Variants in NEDD4 observed in about 807,000 individuals in gnomAD.
The protein encoded by NEDD4 is NEDD4 E3 ubiquitin protein ligase, also known as E3 ubiquitin-protein ligase NEDD4.
A neutral mutation model predicts 144.9 loss-of-function variants in NEDD4; 99 were observed. The ratio of observed to expected loss-of-function variants is 0.68; its 90% CI spans 0.58 to 0.81. The LOEUF is 0.81. Among genes scored for constraint, NEDD4 ranks in the 30% least tolerant of loss-of-function variants. NEDD4 has a pLI of 0.00. For missense variants in NEDD4, 985 were observed against 1,065.9 expected, an observed-to-expected ratio of 0.92 and a Z score of 1.06; for synonymous variants, 318 against 350.6, an observed-to-expected ratio of 0.91 and a Z score of 1.04.
At chr15:55,833,627 C>G (rs1357774026) in intron 26 of NEDD4, among the ~76,000 whole-genome samples, 1 of 152,162 alleles carries the variant, frequency 6.6e-6, no homozygotes, top group African/African-American at 2.4e-5. Flanking sequence ...CACCATTGCA[C>G]TCCAGCCTGG....
intron 5 of NEDD4, chr15:55,915,532 T>A (rs779344599): frequency 6.2e-7 from 1 of 1,614,004 alleles, no homozygotes; most frequent in Non-Finnish European, 8.5e-7. Flanking sequence ...CCATTGATAT[T>A]TATTTGACAA....
chr15:55,841,652 G>A (rs1452348813), intron 19 of NEDD4, among the ~76,000 whole-genome samples: 12 of 151,966 alleles, frequency 7.9e-5, no homozygotes, highest in African/African-American at 2.2e-4. Context: ...GCGTGATCTC[G>A]GCTCCGCCTT....
intron 1 of NEDD4, among the ~76,000 whole-genome samples, chr15:55,975,088 T>C: frequency 6.6e-6 from 1 of 151,810 alleles, no homozygotes. Context: ...AGACAGGGTT[T>C]CACCACGTTA....
rs565636048 is a variant in NEDD4, at chr15:55,982,198, T to C, written c.45+11313A>G. ...GGAGATTAAAATGGTACAATCGTGT[T>C]GGGAGACTGTTAGGCAGTTTCTTAT... is the stretch of plus-strand genomic sequence containing the variant. On this transcript the variant is annotated intron_variant, in intron 1 of 28. Coordinates refer to ENST00000435532, the MANE Select transcript of NEDD4 (RefSeq NM_006154.4). Among the ~76,000 whole-genome samples the C allele has an allele frequency of 3.9e-5, 6 of 152,336 alleles. No individual in the cohort carries two copies. The Middle Eastern group carries it at 0.01, about 259-fold the overall frequency.
At chr15:55,905,396 A>G in intron 5 of NEDD4, 1 of 409,554 alleles carries the variant, frequency 2.4e-6, no homozygotes, top group East Asian at 7.4e-5. Flanking sequence ...CACCAGTTGA[A>G]AAGCCCAACA....
At chr15:55,977,096 T>C (rs2037715762) in intron 1 of NEDD4, among the ~76,000 whole-genome samples, 2 of 152,234 alleles carry the variant, frequency 1.3e-5, no homozygotes, top group African/African-American at 2.4e-5. Flanking sequence ...TCATAGATTA[T>C]TTATTTTAAC....
intron 4 of NEDD4, among the ~76,000 whole-genome samples, chr15:55,932,751 A>G (rs1427347834): frequency 1.3e-5 from 2 of 152,318 alleles, no homozygotes; most frequent in East Asian, 1.9e-4. Flanking sequence ...AATGGGAGAA[A>G]ATTTTTACAA....
chr15:55,904,005 C>A (rs1383597140), intron 5 of NEDD4, among the ~76,000 whole-genome samples: 7 of 151,400 alleles, frequency 4.6e-5, no homozygotes, highest in Non-Finnish European at 1.0e-4. Context: ...ACTAAAAACA[C>A]AAAAAAATTA....
chr15:55,993,371 C>T, intron 1 of NEDD4, 140 bp downstream of exon 1: 3 of 1,051,746 alleles, frequency 2.9e-6, no homozygotes, highest in Non-Finnish European at 3.9e-6. Context: ...CGCGGCGCCT[C>T]GCGCGCTCCC....
chr15:55,839,464 A>T (rs2033366634), intron 21 of NEDD4, among the ~76,000 whole-genome samples: 1 of 152,232 alleles, frequency 6.6e-6, no homozygotes, highest in Admixed American at 6.5e-5. Flanking sequence ...ATTTATAAAG[A>T]ATCACACTGT....
chr15:55,871,607 G>T (rs762859480), intron 7 of NEDD4, among the ~76,000 whole-genome samples: 54 of 152,114 alleles, frequency 3.5e-4, no homozygotes, highest in Admixed American at 1.2e-3. Flanking sequence ...TTCCTTTATA[G>T]AGAGTAAATA....
At chr15:55,983,764 C>T (rs2037845476) in intron 1 of NEDD4, among the ~76,000 whole-genome samples, 1 of 151,960 alleles carries the variant, frequency 6.6e-6, no homozygotes, top group Non-Finnish European at 1.5e-5. Context: ...GTATATGCTA[C>T]CATGCCTGGC....
At chr15:55,933,527 C>A (rs1197088299) in intron 4 of NEDD4, among the ~76,000 whole-genome samples, 25 of 71,144 alleles carry the variant, frequency 3.5e-4, no homozygotes, top group African/African-American at 1.3e-3. Context: ...TGGGGCCTGT[C>A]GTGGGGTGGG....
intron 1 of NEDD4, among the ~76,000 whole-genome samples, chr15:55,981,547 G>A (rs1056925719): frequency 7.2e-5 from 11 of 152,162 alleles, no homozygotes; most frequent in African/African-American, 2.7e-4. Context: ...TCAATTAGAA[G>A]TGTCCTTGTA....
At chr15:55,884,815 C>G (rs116090701) in intron 5 of NEDD4, among the ~76,000 whole-genome samples, 1 of 151,986 alleles carries the variant, frequency 6.6e-6, no homozygotes, top group African/African-American at 2.4e-5. Flanking sequence ...TAGAAAATAG[C>G]CTCAAATGGG....
chr15:55,860,611 T>TTATTGC, intron 10 of NEDD4, 37 bp from the exon 11 acceptor site: 1 of 1,613,504 alleles, frequency 6.2e-7, no homozygotes, highest in Non-Finnish European at 8.5e-7. Flanking sequence ...CACACATACT[T>TTATTGC]TATTGCTATA....
Position 55,827,508 on chromosome 15 carries a change from A to T in NEDD4, c.*2389T>A, listed in dbSNP as rs1297659196. On this transcript the variant is annotated 3_prime_UTR_variant, in exon 29 of 29. Transcript: ENST00000435532. ...TCCAAATGAGTATCAGCCAGATACAAAGAAAGCTTTGTATTTTCTCATGCT... is the reference window on the plus strand; with the variant it reads ...TCCAAATGAGTATCAGCCAGATACATAGAAAGCTTTGTATTTTCTCATGCT... 1.3e-5 allele frequency: 2 copies of T among 152,186 alleles called. No individual in the cohort carries two copies. Among genetic ancestry groups the T allele is most frequent in the Non-Finnish European group, 2.9e-5 (2 of 68,018 alleles). The allele number at this position is 152,186 out of a possible 1,614,324, so 9.4% of individuals were successfully genotyped here.
chr15:55,860,143 C>G (rs1486057158), intron 11 of NEDD4, among the ~76,000 whole-genome samples: 1 of 152,160 alleles, frequency 6.6e-6, no homozygotes, highest in Admixed American at 6.5e-5. Flanking sequence ...ATAATAAACC[C>G]AACTTGTTCA....
intron 5 of NEDD4, among the ~76,000 whole-genome samples, chr15:55,894,456 T>G (rs2035675074): frequency 6.6e-6 from 1 of 152,128 alleles, no homozygotes; most frequent in Non-Finnish European, 1.5e-5. Flanking sequence ...CCATTCCCCC[T>G]GCAAATACCA....
Sources: allele counts gnomAD v4.1 joint callset (sites outside exome capture counted in the v4.1 genomes callset), GRCh38; gene constraint gnomAD v4.1.1; transcripts MANE v1.5; gene names NCBI Gene and HGNC (gene_info 2026-07-23, HGNC 2026-07-21).